The following ELOC variants were observed in gnomAD, a reference collection of about 807,000 sequenced individuals.
ELOC encodes the protein elongin C, also known as elongin-C.
For missense variants in ELOC, 38 were observed against 139.0 expected (o/e 0.27, Z 3.65); for synonymous variants, 40 against 51.3 (o/e 0.78, Z 0.94).
At chr8:73,958,092 GTTTTT>G (rs34797762) in intron 2 of ELOC, among the ~76,000 whole-genome samples, 1 of 134,110 alleles carries the variant, frequency 7.5e-6, no homozygotes, top group African/African-American at 2.8e-5. Flanking sequence ...TTTATTTATG[GTTTTT>G]TTTTTTTTTT....
At position 73,945,827 on chromosome 8, in the gene ELOC, A is replaced by G. The variant is rs1813347329; in HGVS notation, c.*803T>C. The G allele has an allele frequency of 6.6e-6, 1 of 152,226 alleles. No individual in the cohort carries two copies. Among genetic ancestry groups the G allele is most frequent in the Non-Finnish European group, 1.5e-5 (1 of 68,034 alleles). 9.4% of individuals were successfully genotyped at this position (152,226 alleles called of 1,614,324 possible). A position where few individuals can be genotyped will look rare whatever the true frequency, so the allele number is the denominator to read the frequency against. On this transcript the variant is annotated 3_prime_UTR_variant, in exon 4 of 4. Coordinates refer to ENST00000520242, the MANE Select transcript of ELOC (RefSeq NM_005648.4). ...GAATAAAGTTAATAGTGAGTCTTTT[A>G]AAATACATTTAAACAACTGGAAGTA...
Position 73,957,033 on chromosome 8 carries a change from C to T in ELOC, c.5-979G>A, listed in dbSNP as rs570229798. ...AAAAATACAAAAAAAATTAGCTGGG[C>T]GTGGTGGCGGGTGCCTGTAGTCCCA... On this transcript the variant is annotated intron_variant, in intron 2 of 3. Transcript: ENST00000520242. Among the ~76,000 whole-genome samples, 3 of 151,810 alleles carry T rather than the reference C, an allele frequency of 2.0e-5. No individual in the cohort carries two copies. In the East Asian group the frequency reaches 5.8e-4, roughly 29 times the overall value.
chr8:73,963,918 C>G (rs966613705), intron 1 of ELOC, among the ~76,000 whole-genome samples: 11 of 151,828 alleles, frequency 7.2e-5, no homozygotes, highest in Non-Finnish European at 1.3e-4. Flanking sequence ...CATGGTGAAA[C>G]CCCGTCTCCA....
At chr8:73,963,419 T>G (rs1814741518) in intron 1 of ELOC, among the ~76,000 whole-genome samples, 1 of 152,228 alleles carries the variant, frequency 6.6e-6, no homozygotes, top group South Asian at 2.1e-4. Context: ...TAGGTACTTT[T>G]AAGTTTCCAT....
upstream of ELOC, chr8:73,972,253 G>C (rs1054015879): frequency 6.6e-6 from 1 of 152,390 alleles, no homozygotes; most frequent in Non-Finnish European, 1.5e-5. Context: ...ACCTGGTGAG[G>C]CGAGGACGCA....
rs184586826 is a variant in ELOC at position 73,958,371 on chromosome 8, T to C, written c.4+1394A>G. Among the ~76,000 whole-genome samples the C allele has an allele frequency of 9.3e-4, 142 of 152,342 alleles. 1 individual carries two copies. The highest frequency in any genetic ancestry group is 4.6e-3 in the South Asian group (22 of 4,830). On this transcript the variant is annotated intron_variant, in intron 2 of 3. Transcript: ENST00000520242. ...GTAATAAATGTTCATCTATGTTACATTGATTTAATTCTCAGACCCAGCCAG... is the reference window on the plus strand; with the variant it reads ...GTAATAAATGTTCATCTATGTTACACTGATTTAATTCTCAGACCCAGCCAG...
chr8:73,962,463 T>C (rs991772795), intron 1 of ELOC, among the ~76,000 whole-genome samples: 1 of 152,164 alleles, frequency 6.6e-6, no homozygotes, highest in African/African-American at 2.4e-5. Flanking sequence ...TTCTCTAAAA[T>C]TTAAAAATAG....
At position 73,945,143 on chromosome 8, in the gene ELOC, A is replaced by AAG; in HGVS notation, c.*1486_*1487insCT. 1 of 122,184 alleles carries AAG rather than the reference A, an allele frequency of 8.2e-6. No individual in the cohort carries two copies. The highest frequency in any genetic ancestry group is 9.8e-5 in the Admixed American group (1 of 10,210). The allele number at this position is 122,184 out of a possible 1,614,324, so 7.6% of individuals were successfully genotyped here. On this transcript the variant is annotated 3_prime_UTR_variant, in exon 4 of 4. Transcript: ENST00000520242. ...TTTTTTTTTTTTTTTTTTTTGAGAC[A>AAG]GTCTCGCTCTGTCACCCAGGCTGGA...
At chr8:73,954,667 A>T (rs1458619179) in intron 3 of ELOC, among the ~76,000 whole-genome samples, 1 of 144,972 alleles carries the variant, frequency 6.9e-6, no homozygotes, top group African/African-American at 2.5e-5. Context: ...AAAAAAAAAA[A>T]GAATAGAGAT....
intron 3 of ELOC, among the ~76,000 whole-genome samples, chr8:73,952,580 A>G (rs1486140843): frequency 1.3e-5 from 2 of 151,198 alleles, no homozygotes; most frequent in Non-Finnish European, 2.9e-5. Flanking sequence ...GGAGATCAAG[A>G]CCTTCCCGGC....
intron 1 of ELOC, among the ~76,000 whole-genome samples, chr8:73,968,708 T>TG (rs1815159562): frequency 6.6e-6 from 1 of 152,212 alleles, no homozygotes; most frequent in Admixed American, 6.5e-5. Context: ...AAGCAATGAT[T>TG]GATATTCCGT....
At position 73,958,677 on chromosome 8, in the gene ELOC, T is replaced by A. The variant is rs1814374549; in HGVS notation, c.4+1088A>T. On this transcript the variant is annotated intron_variant, in intron 2 of 3. Transcript: ENST00000520242. ...TATTTCAATTTATGCTTCTAATATT[T>A]TTGGCAACAGAAAACATTGTATGTT... is the stretch of plus-strand genomic sequence containing the variant. 2.0e-5 allele frequency among the ~76,000 whole-genome samples: 3 copies of A among 152,238 alleles called. No individual in the cohort carries two copies. In the South Asian group the frequency reaches 6.2e-4, roughly 31 times the overall value.
Position 73,955,964 on chromosome 8 carries a change from T to C in ELOC, c.95A>G (p.Lys32Arg), listed in dbSNP as rs775824619. ...ISSDGHEFIV[K>R]REHALTSGTI... Reference sequence around the variant, plus strand: ...GCCTGATGTTAATGCATGTTCTCTTTTTACAATAAATTCATGGCCATCAGA... The same window carrying C: ...GCCTGATGTTAATGCATGTTCTCTTCTTACAATAAATTCATGGCCATCAGA... Residue 32 changes from lysine (K) to arginine (R), a missense_variant, in exon 3 of 4, where the codon AAA becomes AGA. Lys to Arg is a conservative substitution (Grantham distance 26). Coordinates refer to ENST00000520242, the MANE Select transcript of ELOC (RefSeq NM_005648.4). 19 of 1,614,122 alleles carry C rather than the reference T, an allele frequency of 1.2e-5. 1 individual carries two copies. The South Asian group carries it at 2.1e-4, about 18-fold the overall frequency.
intron 1 of ELOC, among the ~76,000 whole-genome samples, chr8:73,960,574 T>C (rs1460056772): frequency 6.6e-6 from 1 of 152,182 alleles, no homozygotes; most frequent in Non-Finnish European, 1.5e-5. Flanking sequence ...CAATCATGTC[T>C]ACAGAATGAA....
At chr8:73,953,673 C>A (rs1482642216) in intron 3 of ELOC, among the ~76,000 whole-genome samples, 6 of 149,624 alleles carry the variant, frequency 4.0e-5, no homozygotes, top group South Asian at 2.1e-4. Context: ...AAAAAAAAAA[C>A]CAAAAAACAA....
rs957248901 is a variant in ELOC at position 73,956,099 on chromosome 8, T to G, written c.5-45A>C. On this transcript the variant is annotated intron_variant, in intron 2 of 3. Transcript: ENST00000520242. The stretch of plus-strand genomic sequence containing the variant: ...GAAACAATTTTTGAGTCACACAGTG[T>G]ACTAAAACTAAACAGGTTTGGCTGG... 3.2e-6 allele frequency: 5 copies of G among 1,577,216 alleles called. No individual in the cohort carries two copies. In the African/African-American group the frequency reaches 5.4e-5, roughly 17 times the overall value.
chr8:73,954,946 A>G (rs1342988721), intron 3 of ELOC, among the ~76,000 whole-genome samples: 1 of 148,574 alleles, frequency 6.7e-6, no homozygotes, highest in Non-Finnish European at 1.5e-5. Flanking sequence ...AGGCAGAAGA[A>G]TCTCTTGAAC....
At chr8:73,953,021 T>C (rs983214208) in intron 3 of ELOC, among the ~76,000 whole-genome samples, 5 of 151,910 alleles carry the variant, frequency 3.3e-5, no homozygotes, top group Admixed American at 1.3e-4. Flanking sequence ...AACCACCAGA[T>C]AGGCTGGGTG....
intron 3 of ELOC, among the ~76,000 whole-genome samples, chr8:73,947,293 G>C (rs939184834): frequency 6.6e-6 from 1 of 151,912 alleles, no homozygotes; most frequent in Non-Finnish European, 1.5e-5. Flanking sequence ...GGCCATGATT[G>C]GTATTCTCGT....
Sources: gnomAD v4.1 joint callset for allele counts (sites outside exome capture counted in the v4.1 genomes callset) on GRCh38, gnomAD v4.1.1 for gene constraint, MANE v1.5 for transcripts, NCBI Gene and HGNC (gene_info 2026-07-23, HGNC 2026-07-21) for gene names.